PDGFD: variants seen among roughly 807,000 people sequenced by gnomAD.
PDGFD encodes platelet derived growth factor D.
A neutral mutation model predicts 44.7 loss-of-function variants in PDGFD; 30 were observed. That is an observed-to-expected ratio of 0.67 (90% CI 0.50 to 0.91). The LOEUF is 0.91. Among genes scored for constraint, PDGFD ranks in the 40% least tolerant of loss-of-function variants. The probability of loss-of-function intolerance (pLI) is 0.00; values close to 1 mark genes in which losing one functional copy is unlikely to be tolerated. For missense variants in PDGFD, 445 were observed against 457.8 expected (o/e 0.97, Z 0.25); for synonymous variants, 173 against 168.4 (o/e 1.03, Z -0.21).
intron 1 of PDGFD, among the ~76,000 whole-genome samples, chr11:104,050,085 C>T (rs1013577581): frequency 2.6e-5 from 4 of 151,992 alleles, no homozygotes; most frequent in Non-Finnish European, 4.4e-5. Flanking sequence ...ATGGGTTATA[C>T]GTTATATGTC....
intron 1 of PDGFD, among the ~76,000 whole-genome samples, chr11:104,147,062 G>A (rs1172133825): frequency 6.6e-6 from 1 of 151,078 alleles, no homozygotes; most frequent in Non-Finnish European, 1.5e-5. Flanking sequence ...AATGAAAAGT[G>A]CCCTCTGAAT....
At chr11:103,975,809 G>T (rs1021386061) in intron 3 of PDGFD, among the ~76,000 whole-genome samples, 1 of 152,018 alleles carries the variant, frequency 6.6e-6, no homozygotes, top group Non-Finnish European at 1.5e-5. Context: ...TGTTGTAGAG[G>T]TGTGGTGTTT....
chr11:104,015,648 T>C (rs1015561554), intron 1 of PDGFD, among the ~76,000 whole-genome samples: 5 of 152,202 alleles, frequency 3.3e-5, no homozygotes, highest in Admixed American at 1.3e-4. Flanking sequence ...CTAGTAACTA[T>C]GTACTGAATG....
In PDGFD at chr11:104,020,701, A is replaced by C. The variant is rs1380419958; in HGVS notation, c.125-20446T>G. ...TTCTTATGCATTTACATAATTGCCAAATTTCATATCTATCCTAATATTACA... is the reference window on the plus strand; with the variant it reads ...TTCTTATGCATTTACATAATTGCCACATTTCATATCTATCCTAATATTACA... On this transcript the variant is annotated intron_variant, in intron 1 of 6. Coordinates refer to ENST00000393158, the MANE Select transcript of PDGFD (RefSeq NM_025208.5). 2.0e-5 allele frequency among the ~76,000 whole-genome samples: 3 copies of C among 152,138 alleles called. No individual in the cohort carries two copies. In the South Asian group the frequency reaches 6.2e-4, roughly 32 times the overall value.
chr11:103,980,895 C>T (rs1384376612), intron 3 of PDGFD, among the ~76,000 whole-genome samples: 2 of 152,030 alleles, frequency 1.3e-5, no homozygotes, highest in Admixed American at 1.3e-4. Context: ...ATCTCAGACT[C>T]TCAGCCTCCA....
intron 1 of PDGFD, among the ~76,000 whole-genome samples, chr11:104,127,103 AG>A (rs1861852740): frequency 6.6e-6 from 1 of 152,140 alleles, no homozygotes; most frequent in East Asian, 1.9e-4. Context: ...AGCTCTTCAA[AG>A]AGAAAAACTA....
Position 103,927,094 on chromosome 11 carries a change from G to A in PDGFD, c.805C>T (p.Arg269Cys), listed in dbSNP as rs1364306828. Residue 269 changes from arginine to cysteine, a missense_variant, in exon 6 of 7, where the codon CGT (arginine) becomes TGT (cysteine). Arg to Cys is a radical substitution (Grantham distance 180). Coordinates refer to ENST00000393158, the MANE Select transcript of PDGFD (RefSeq NM_025208.5). The part of the protein sequence containing the change: ...DLDRLNDDAK[R>C]YSCTPRNYSV... ...TAATTCCTGGGAGTGCAACTGTAAC[G>A]CTTGGCATCATCATTGAGCCTATCC... is the stretch of plus-strand genomic sequence containing the variant. 5 of 1,614,062 alleles carry A rather than the reference G, an allele frequency of 3.1e-6. No individual in the cohort carries two copies. The highest frequency in any genetic ancestry group is 1.1e-5 in the South Asian group (1 of 91,078).
chr11:104,036,810 C>A, intron 1 of PDGFD: 2 of 1,607,242 alleles, frequency 1.2e-6, no homozygotes, highest in Non-Finnish European at 1.7e-6. Flanking sequence ...CCCGGCCCGC[C>A]CGGGCCCCCG....
chr11:103,972,883 A>G lies in PDGFD; in HGVS notation c.510+23182T>C, dbSNP rs75852680. Reference sequence around the variant, plus strand: ...TCCAGTTTTTGTCTGTCTAGTTTCAATGAACTGGCCAATAGCATAAGAAAC... The same window carrying G: ...TCCAGTTTTTGTCTGTCTAGTTTCAGTGAACTGGCCAATAGCATAAGAAAC... On this transcript the variant is annotated intron_variant, in intron 3 of 6. Coordinates refer to ENST00000393158, the MANE Select transcript of PDGFD (RefSeq NM_025208.5). Among the ~76,000 whole-genome samples the G allele has an allele frequency of 8.2e-3, 1,245 of 152,298 alleles. 59 individuals carry two copies. The East Asian group carries it at 0.11, about 14-fold the overall frequency.
At chr11:103,949,738 G>A (rs571049648) in intron 3 of PDGFD, among the ~76,000 whole-genome samples, 9 of 152,302 alleles carry the variant, frequency 5.9e-5, no homozygotes, top group South Asian at 2.1e-4. Context: ...TGCAGTAAAC[G>A]CATGTGGGTG....
chr11:103,987,816 C>A (rs1310949083), intron 3 of PDGFD, among the ~76,000 whole-genome samples: 2 of 151,564 alleles, frequency 1.3e-5, no homozygotes, highest in African/African-American at 2.4e-5. Context: ...GCAGGCAACG[C>A]CCTCTTCCCG....
intron 1 of PDGFD, among the ~76,000 whole-genome samples, chr11:104,010,570 T>C (rs1372386350): frequency 6.6e-6 from 1 of 152,138 alleles, no homozygotes; most frequent in Non-Finnish European, 1.5e-5. Flanking sequence ...ACAGAAATGA[T>C]GGTAAAATAT....
intron 1 of PDGFD, among the ~76,000 whole-genome samples, chr11:104,016,388 T>C (rs989901146): frequency 1.3e-5 from 2 of 152,264 alleles, no homozygotes; most frequent in Non-Finnish European, 2.9e-5. Flanking sequence ...TAAATATCTT[T>C]TTAAGAAAGC....
chr11:104,145,766 T>C (rs188511398), intron 1 of PDGFD, among the ~76,000 whole-genome samples: 12 of 152,278 alleles, frequency 7.9e-5, no homozygotes, highest in African/African-American at 2.2e-4. Flanking sequence ...CCGAGTGTGC[T>C]TGTATTTAGA....
chr11:103,965,634 G>T (rs1859007084), intron 3 of PDGFD, among the ~76,000 whole-genome samples: 1 of 152,184 alleles, frequency 6.6e-6, no homozygotes, highest in African/African-American at 2.4e-5. Flanking sequence ...CAAGGCAAGG[G>T]CAGCAGAGGG....
In PDGFD at chr11:104,135,430, T is replaced by G. The variant is rs151299104; in HGVS notation, c.124+28374A>C. ...GAGAGTAGTCCAAAATGGTGCAATA[T>G]GTATGAAATTCCAGAAATAAGAGAA... On this transcript the variant is annotated intron_variant, in intron 1 of 6. Transcript: ENST00000393158. Among the ~76,000 whole-genome samples, 1,205 of 152,302 alleles carry G rather than the reference T, an allele frequency of 7.9e-3. 22 individuals are homozygous for G. Among genetic ancestry groups the G allele is most frequent in the Middle Eastern group, 0.01 (3 of 294 alleles).
At position 104,037,628 on chromosome 11, in the gene PDGFD, G is replaced by A. The variant is rs761129966; in HGVS notation, c.125-37373C>T. 65 of 1,614,036 alleles carry A rather than the reference G, an allele frequency of 4.0e-5. No individual in the cohort carries two copies. In the South Asian group the frequency reaches 6.5e-4, roughly 16 times the overall value. ...TCGGGCGCCCAGATGACCATTATGA[G>A]CCAGGCTTGTGCCGAGCGATGTAAC... On this transcript the variant is annotated intron_variant, in intron 1 of 6. Coordinates refer to ENST00000393158, the MANE Select transcript of PDGFD (RefSeq NM_025208.5).
At chr11:104,049,434 A>G (rs1860492376) in intron 1 of PDGFD, among the ~76,000 whole-genome samples, 1 of 152,224 alleles carries the variant, frequency 6.6e-6, no homozygotes, top group Non-Finnish European at 1.5e-5. Context: ...GGGCTAGATT[A>G]CGTAAGGCTT....
intron 1 of PDGFD, among the ~76,000 whole-genome samples, chr11:104,027,235 C>T (rs1010477431): frequency 3.3e-5 from 5 of 152,168 alleles, no homozygotes; most frequent in African/African-American, 7.2e-5. Flanking sequence ...GAACATTCTG[C>T]GGCATCCTGG....
Sources: gnomAD v4.1 joint callset for allele counts (sites outside exome capture counted in the v4.1 genomes callset) on GRCh38, gnomAD v4.1.1 for gene constraint, MANE v1.5 for transcripts, NCBI Gene and HGNC (gene_info 2026-07-23, HGNC 2026-07-21) for gene names.